ARHGDIB: variants seen among roughly 807,000 people sequenced by gnomAD.
The protein encoded by ARHGDIB is rho GDP-dissociation inhibitor 2.
In ARHGDIB, 20 loss-of-function variants were observed where a neutral mutation model predicts 22.6. The observed-to-expected ratio is 0.88, with a 90% CI of 0.62 to 1.28. The LOEUF (loss-of-function observed/expected upper bound fraction) is 1.28, where lower values mean the gene tolerates loss of function less well. Among genes scored for constraint, ARHGDIB ranks in the 50% most tolerant of loss-of-function variants. ARHGDIB has a pLI of 0.00. For missense variants in ARHGDIB, 254 were observed against 245.4 expected (o/e 1.04, Z -0.23); for synonymous variants, 114 against 96.1 (o/e 1.19, Z -1.09).
chr12:14,946,681 C>A (rs1565459853), intron 4 of ARHGDIB, among the ~76,000 whole-genome samples: 1 of 152,192 alleles, frequency 6.6e-6, no homozygotes, highest in Non-Finnish European at 1.5e-5. Flanking sequence ...CTCCACCTCC[C>A]CATCCAGAGG....
intron 1 of ARHGDIB, among the ~76,000 whole-genome samples, chr12:14,960,587 C>T (rs914607245): frequency 6.6e-6 from 1 of 152,074 alleles, no homozygotes; most frequent in East Asian, 1.9e-4. Flanking sequence ...CACTGCAACC[C>T]CTGCCTCCTG....
chr12:14,943,400 T>C lies in ARHGDIB; in HGVS notation c.407-679A>G, dbSNP rs1261722503. On this transcript the variant is annotated intron_variant, in intron 5 of 5. Transcript: ENST00000228945. ...CTGTTTTTTTTTTTTTTGTTGTTGT[T>C]GTTGTTTTTTTTATGGAGATATAGC... Among the ~76,000 whole-genome samples the C allele has an allele frequency of 1.5e-3, 98 of 66,980 alleles. 3 individuals carry two copies. In the East Asian group the frequency reaches 0.026, roughly 18 times the overall value. The allele number at this position is 66,980 out of a possible 152,430, so 43.9% of individuals were successfully genotyped here. A position where few individuals can be genotyped will look rare whatever the true frequency, so the allele number is the denominator to read the frequency against.
At chr12:14,954,147 T>G (rs948519172) in intron 1 of ARHGDIB, among the ~76,000 whole-genome samples, 3 of 152,038 alleles carry the variant, frequency 2.0e-5, no homozygotes, top group African/African-American at 7.2e-5. Context: ...CTGGCTAATT[T>G]TTTGTAGTTA....
At chr12:14,953,339 T>C (rs375768441) in intron 1 of ARHGDIB, among the ~76,000 whole-genome samples, 1 of 152,120 alleles carries the variant, frequency 6.6e-6, no homozygotes, top group Non-Finnish European at 1.5e-5. Context: ...TCTAGAAAGC[T>C]GATTAGAAAG....
At chr12:14,942,847 T>A (rs951806160) in intron 5 of ARHGDIB, 126 bp from the exon 6 acceptor site, 3 of 814,586 alleles carry the variant, frequency 3.7e-6, no homozygotes, top group African/African-American at 3.5e-5. Flanking sequence ...CAAGCCTAAA[T>A]AAACATTAGA....
At chr12:14,954,005 G>A (rs922478561) in intron 1 of ARHGDIB, among the ~76,000 whole-genome samples, 5 of 141,066 alleles carry the variant, frequency 3.5e-5, no homozygotes, top group African/African-American at 1.3e-4. Flanking sequence ...TTGAGGCATA[G>A]TTTTACTCTG....
At chr12:14,948,011 C>A in intron 3 of ARHGDIB, 62 bp from the exon 4 acceptor site, 1 of 1,424,856 alleles carries the variant, frequency 7.0e-7, no homozygotes, top group Non-Finnish European at 9.9e-7. Context: ...TAATAAATGA[C>A]TTTTAAGTCC....
chr12:14,950,818 C>A (rs1864157673), intron 1 of ARHGDIB, 94 bp from the exon 2 acceptor site: 5 of 915,656 alleles, frequency 5.5e-6, no homozygotes, highest in Non-Finnish European at 1.6e-6. Context: ...CCCTCATGGA[C>A]TTCTCTGATC....
intron 1 of ARHGDIB, among the ~76,000 whole-genome samples, chr12:14,960,176 C>G (rs1220843588): frequency 6.6e-6 from 1 of 152,172 alleles, no homozygotes; most frequent in Non-Finnish European, 1.5e-5. Context: ...GAGCAGTCTG[C>G]CTTTCCCCAC....
At chr12:14,943,966 T>C (rs1305383613) in intron 5 of ARHGDIB, among the ~76,000 whole-genome samples, 1 of 152,160 alleles carries the variant, frequency 6.6e-6, no homozygotes, top group Non-Finnish European at 1.5e-5. Context: ...ATCTTTCAGG[T>C]CAATGGTCTT....
At chr12:14,950,782 T>C in intron 1 of ARHGDIB, 58 bp from the exon 2 acceptor site, 1 of 1,448,500 alleles carries the variant, frequency 6.9e-7, no homozygotes, top group South Asian at 1.4e-5. Context: ...AAGATGTTAG[T>C]GGGGCTGCTG....
chr12:14,951,784 A>T (rs1366068859), intron 1 of ARHGDIB, among the ~76,000 whole-genome samples: 2 of 151,560 alleles, frequency 1.3e-5, no homozygotes, highest in Non-Finnish European at 2.9e-5. Flanking sequence ...TTCCTTTTAG[A>T]GGATGTATAG....
chr12:14,951,656 TC>T (rs946514026), intron 1 of ARHGDIB, among the ~76,000 whole-genome samples: 2 of 147,488 alleles, frequency 1.4e-5, no homozygotes, highest in African/African-American at 5.0e-5. Flanking sequence ...TACCCTGGAG[TC>T]TTCCTTCATC....
At position 14,958,156 on chromosome 12, in the gene ARHGDIB, T is replaced by G. The variant is rs1410257715; in HGVS notation, c.-13+3381A>C. Among the ~76,000 whole-genome samples, 3 of 152,074 alleles carry G rather than the reference T, an allele frequency of 2.0e-5. No individual in the cohort carries two copies. The South Asian group carries it at 6.2e-4, about 31-fold the overall frequency. On this transcript the variant is annotated intron_variant, in intron 1 of 5. Coordinates refer to ENST00000228945, the MANE Select transcript of ARHGDIB (RefSeq NM_001175.7). ...CTGTGCTGCTTGCCTGGCAATTTGG[T>G]GTATTACGGGATTGCAAATTTGTCT...
chr12:14,961,227 C>T (rs1415726434), intron 1 of ARHGDIB: 1 of 152,362 alleles, frequency 6.6e-6, no homozygotes, highest in African/African-American at 2.4e-5. Context: ...CAGGAAACCC[C>T]TCCAGGCACT....
intron 4 of ARHGDIB, among the ~76,000 whole-genome samples, chr12:14,945,734 C>T (rs1364471586): frequency 1.3e-5 from 2 of 152,202 alleles, no homozygotes; most frequent in Non-Finnish European, 2.9e-5. Context: ...AACCAATCAA[C>T]CAGTGCTATC....
Position 14,961,572 on chromosome 12 carries a change from G to A in ARHGDIB, c.-48C>T, listed in dbSNP as rs914416588. On this transcript the variant is annotated 5_prime_UTR_variant, in exon 1 of 6. Transcript: ENST00000228945. ...TCACGTCTCTGTCCGGGGTGCCTCTGTCTCTCAACTCTGACTTCTGAGTAC... is the reference window on the plus strand; with the variant it reads ...TCACGTCTCTGTCCGGGGTGCCTCTATCTCTCAACTCTGACTTCTGAGTAC... 1.3e-5 allele frequency: 2 copies of A among 152,160 alleles called. No homozygotes were observed. Among genetic ancestry groups the A allele is most frequent in the African/African-American group, 4.8e-5 (2 of 41,416 alleles). 9.4% of individuals were successfully genotyped at this position (152,160 alleles called of 1,614,324 possible).
Position 14,950,784 on chromosome 12 carries a change from G to A in ARHGDIB, c.-12-60C>T, listed in dbSNP as rs1288295171. 3.5e-6 allele frequency: 5 copies of A among 1,415,098 alleles called. No individual in the cohort carries two copies. The South Asian group carries it at 4.3e-5, about 12-fold the overall frequency. The allele number at this position is 1,415,098 out of a possible 1,614,324, so 87.7% of individuals were successfully genotyped here. ...GTCATGAATATAAAAGATGTTAGTGGGGCTGCTGTTAGCAGCCTCCTTACC... is the reference window on the plus strand; with the variant it reads ...GTCATGAATATAAAAGATGTTAGTGAGGCTGCTGTTAGCAGCCTCCTTACC... On this transcript the variant is annotated intron_variant, in intron 1 of 5. Transcript: ENST00000228945.
At chr12:14,960,961 G>A (rs192073673) in intron 1 of ARHGDIB, among the ~76,000 whole-genome samples, 46 of 152,290 alleles carry the variant, frequency 3.0e-4, no homozygotes, top group Non-Finnish European at 4.7e-4. Context: ...TAAAGCCCCT[G>A]CACTCTAAGG....
Sources: gnomAD v4.1 joint callset for allele counts (sites outside exome capture counted in the v4.1 genomes callset) on GRCh38, gnomAD v4.1.1 for gene constraint, MANE v1.5 for transcripts, NCBI Gene and HGNC (gene_info 2026-07-23, HGNC 2026-07-21) for gene names.